Variants in ABCA4 observed in about 807,000 individuals in gnomAD.
ABCA4 encodes the protein retinal-specific phospholipid-transporting ATPase ABCA4.
A neutral mutation model predicts 263.7 loss-of-function variants in ABCA4; 196 were observed. The ratio of observed to expected loss-of-function variants is 0.74; its 90% confidence interval spans 0.66 to 0.84. ABCA4 has a LOEUF of 0.84. ABCA4 is among the 40% of genes least tolerant of loss of function. ABCA4 has a pLI of 0.00. For synonymous variants in ABCA4, 1,133 were observed against 1,094.2 expected, an observed-to-expected ratio of 1.04 and a Z score of -0.70; for missense variants, 2,792 against 2,855.1, an observed-to-expected ratio of 0.98 and a Z score of 0.50.
intron 6 of ABCA4, among the ~76,000 whole-genome samples, chr1:94,090,115 C>T (rs1476873905): frequency 6.6e-6 from 1 of 152,080 alleles, no homozygotes; most frequent in Non-Finnish European, 1.5e-5. Flanking sequence ...AACAGGAGTA[C>T]CTGGAGCTAA....
chr1:94,044,998 C>G (rs1660634822), intron 19 of ABCA4, among the ~76,000 whole-genome samples: 1 of 152,310 alleles, frequency 6.6e-6, no homozygotes, highest in African/African-American at 2.4e-5. Context: ...ACGCCGAGGG[C>G]CTTTGGGATT....
chr1:94,115,614 A>G (rs1314082377), intron 1 of ABCA4, among the ~76,000 whole-genome samples: 5 of 152,186 alleles, frequency 3.3e-5, no homozygotes, highest in Admixed American at 6.5e-5. Context: ...TGTGAAATGG[A>G]TGTGATACCA....
Position 94,051,640 on chromosome 1 carries a change from G to T in ABCA4, c.2646C>A (p.Gly882=). The T allele has an allele frequency of 6.2e-7, 1 of 1,613,372 alleles. No individual in the cohort carries two copies. The highest frequency in any genetic ancestry group is 1.3e-5 in the African/African-American group (1 of 75,040). The stretch of plus-strand genomic sequence containing the variant: ...GTGTTTTAAAGGACTCACCTTCACC[G>T]CCAAGCCAATACGACTCTTGTAGAA... The part of the protein sequence containing the change: ...YFLLQESYWL[G]GEGCSTREER... The change falls in exon 17 of 50, where the codon GGC becomes GGA. Residue 882 remains glycine (G), a synonymous_variant. Transcript: ENST00000370225.
intron 44 of ABCA4, among the ~76,000 whole-genome samples, chr1:94,003,692 G>A (rs1177477022): frequency 2.6e-5 from 4 of 152,088 alleles, no homozygotes; most frequent in Admixed American, 6.5e-5. Context: ...GGAGAGCAGT[G>A]GCTTGATCAC....
At chr1:94,039,910 A>G in intron 24 of ABCA4, 133 bp downstream of exon 24, 1 of 779,118 alleles carries the variant, frequency 1.3e-6, no homozygotes, top group Non-Finnish European at 2.2e-6. Context: ...AAAGCAAAAG[A>G]ACAACTGTGT....
Position 94,103,015 on chromosome 1 carries a change from C to T in ABCA4, c.570G>A (p.Gln190=). 6.2e-7 allele frequency: 1 copy of T among 1,614,228 alleles called. No homozygotes were observed. The highest frequency in any genetic ancestry group is 2.2e-5 in the East Asian group (1 of 44,884). ...LLINSQVRPE[Q]FAHGVPDLAL... The stretch of plus-strand genomic sequence containing the variant: ...CCACTGGCCAGTGACATCCCCCTAC[C>T]TGCTCTGGACGGACTTGAGAGTTGA... The change falls in exon 5 of 50, where the codon CAG becomes CAA. Residue 190 remains glutamine (Q), a splice_region_variant and synonymous_variant. Coordinates refer to ENST00000370225, the MANE Select transcript of ABCA4 (RefSeq NM_000350.3).
At chr1:94,060,833 T>C in intron 13 of ABCA4, 74 bp from the exon 14 acceptor site, 3 of 1,251,934 alleles carry the variant, frequency 2.4e-6, no homozygotes, top group Non-Finnish European at 3.4e-6. Context: ...GTTTGTTGAA[T>C]GAATGTGTTG....
At chr1:94,033,702 T>C (rs192075198) in intron 26 of ABCA4, among the ~76,000 whole-genome samples, 37 of 152,118 alleles carry the variant, frequency 2.4e-4, no homozygotes, top group African/African-American at 8.9e-4. Flanking sequence ...AGCTCAGTCA[T>C]CCTTTCAACT....
chr1:94,048,478 C>G (rs1487960511), intron 18 of ABCA4, among the ~76,000 whole-genome samples: 1 of 152,162 alleles, frequency 6.6e-6, no homozygotes, highest in Non-Finnish European at 1.5e-5. Flanking sequence ...GTCTCTTTCC[C>G]CCTGGACACA....
intron 11 of ABCA4, among the ~76,000 whole-genome samples, chr1:94,073,799 C>T (rs1001070631): frequency 4.6e-5 from 7 of 150,888 alleles, no homozygotes; most frequent in Admixed American, 3.3e-4. Context: ...TGTCACGATA[C>T]GAATGTCAAG....
At chr1:94,058,504 G>A (rs1453415467) in intron 14 of ABCA4, among the ~76,000 whole-genome samples, 5 of 152,236 alleles carry the variant, frequency 3.3e-5, no homozygotes, top group African/African-American at 4.8e-5. Context: ...CGGGACTACA[G>A]GCATGTGCCA....
chr1:94,025,022 T>C lies in ABCA4; in HGVS notation c.4566A>G (p.Leu1522=). 1 of 1,614,232 alleles carries C rather than the reference T, an allele frequency of 6.2e-7. No homozygotes were observed. The highest frequency in any genetic ancestry group is 8.5e-7 in the Non-Finnish European group (1 of 1,180,032). The change falls in exon 31 of 50, where the codon CTA becomes CTG. Residue 1522 remains leucine (L), a synonymous_variant. Transcript: ENST00000370225. ...PQRTQRSTEI[L]QDLTDRNISD... ...AGATGTTCCTGTCCGTCAGGTCTTG[T>C]AGAATTTCCGTGCTGCGCTGTGTTC... is the stretch of plus-strand genomic sequence containing the variant.
At chr1:94,079,570 A>G in intron 8 of ABCA4, 109 bp from the exon 9 acceptor site, 1 of 1,510,770 alleles carries the variant, frequency 6.6e-7, no homozygotes, top group African/African-American at 1.4e-5. Context: ...ATGCTGGAGG[A>G]TTTGATGAAT....
chr1:94,056,856 G>T, intron 14 of ABCA4, 34 bp from the exon 15 acceptor site: 1 of 1,535,362 alleles, frequency 6.5e-7, no homozygotes. Context: ...AGTAACTCCT[G>T]CCCTTGGCCG....
At chr1:94,110,047 G>C (rs182311188) in intron 3 of ABCA4, among the ~76,000 whole-genome samples, 1 of 152,066 alleles carries the variant, frequency 6.6e-6, no homozygotes, top group Non-Finnish European at 1.5e-5. Flanking sequence ...CTGTCTTCAG[G>C]CCTCCCTGAT....
chr1:94,029,578 T>A lies in ABCA4; in HGVS notation c.4406A>T (p.Asn1469Ile). The change falls in exon 30 of 50, where the codon AAC becomes ATC. Residue 1469 changes from asparagine to isoleucine, a missense_variant. Transcript: ENST00000370225. ...TPWKTPSVSP[N>I]ITQLFQKQKW... ...CTGCTTCTGGAACAGCTGGGTGATG[T>A]TTGGGGACACAGAAGGAGTCTTCCA... The A allele has an allele frequency of 1.3e-5, 21 of 1,614,006 alleles. No homozygotes were observed. Among genetic ancestry groups the A allele is most frequent in the Non-Finnish European group, 1.7e-5 (20 of 1,179,956 alleles).
chr1:94,053,908 G>A (rs1023696960), intron 16 of ABCA4, among the ~76,000 whole-genome samples: 1 of 152,304 alleles, frequency 6.6e-6, no homozygotes, highest in East Asian at 1.9e-4. Context: ...TGCCAACAAA[G>A]GCTGCCCTGA....
intron 13 of ABCA4, 64 bp from the exon 14 acceptor site, chr1:94,060,823 G>A (rs1352330224): frequency 7.5e-7 from 1 of 1,335,940 alleles, no homozygotes; most frequent in Admixed American, 2.0e-5. Flanking sequence ...CAGAATAAAT[G>A]TTTGTTGAAT....
At chr1:94,109,870 C>T (rs1662554987) in intron 3 of ABCA4, among the ~76,000 whole-genome samples, 1 of 152,226 alleles carries the variant, frequency 6.6e-6, no homozygotes, top group South Asian at 2.1e-4. Flanking sequence ...ATATTTCACT[C>T]ATAATGTGAG....
Sources: gnomAD v4.1 joint callset for allele counts (sites outside exome capture counted in the v4.1 genomes callset) on GRCh38, gnomAD v4.1.1 for gene constraint, MANE v1.5 for transcripts, NCBI Gene and HGNC (gene_info 2026-07-23, HGNC 2026-07-21) for gene names.